TUSC3: variants seen among roughly 807,000 people sequenced by gnomAD.
The protein encoded by TUSC3 is tumor suppressor candidate 3.
A neutral mutation model predicts 44.8 loss-of-function variants in TUSC3; 45 were observed. The ratio of observed to expected loss-of-function variants is 1.00; its 90% CI spans 0.79 to 1.29. The LOEUF is 1.29. Ranked by LOEUF, TUSC3 falls within the 50% of genes most tolerant of loss-of-function variation. The probability of loss-of-function intolerance (pLI) is 0.00; values close to 1 mark genes in which losing one functional copy is unlikely to be tolerated. For synonymous variants in TUSC3, 212 were observed against 152.9 expected (o/e 1.39, Z -2.85); for missense variants, 519 against 437.9 (o/e 1.19, Z -1.65).
At chr8:15,787,406 G>T in the TUSC3 span, among the ~76,000 whole-genome samples, 3 of 152,132 alleles carry the variant, frequency 2.0e-5, no homozygotes, top group East Asian at 3.9e-4. Context: ...GATTTGGTCT[G>T]CATGAAATCC....
chr8:15,639,618 A>C (rs1806267129), intron 2 of TUSC3, among the ~76,000 whole-genome samples: 1 of 152,218 alleles, frequency 6.6e-6, no homozygotes, highest in Non-Finnish European at 1.5e-5. Context: ...ACTATTATAT[A>C]AAGTCATAAA....
intron 1 of TUSC3, among the ~76,000 whole-genome samples, chr8:15,609,414 A>G (rs1585149461): frequency 6.6e-6 from 1 of 152,204 alleles, no homozygotes; most frequent in Non-Finnish European, 1.5e-5. Context: ...GGCTGTGTAC[A>G]GCTGGAAGTA....
chr8:15,821,272 CT>C, the TUSC3 span, among the ~76,000 whole-genome samples: 7 of 151,192 alleles, frequency 4.6e-5, no homozygotes, highest in Admixed American at 4.6e-4. Context: ...CATTGTTTCC[CT>C]GTTTGTAATA....
chr8:15,436,275 CA>C (rs1799944056), intron 1 of TUSC3, among the ~76,000 whole-genome samples: 1 of 152,114 alleles, frequency 6.6e-6, no homozygotes, highest in Non-Finnish European at 1.5e-5. Context: ...TGACGGTTAT[CA>C]AAAGGAAAGG....
At chr8:15,730,568 C>G in intron 6 of TUSC3, 98 bp from the exon 7 acceptor site, 1 of 1,169,378 alleles carries the variant, frequency 8.6e-7, no homozygotes, top group Non-Finnish European at 1.2e-6. Context: ...TAGTAAAAAT[C>G]GAATTAGATT....
chr8:15,820,964 G>T, the TUSC3 span, among the ~76,000 whole-genome samples: 3 of 152,108 alleles, frequency 2.0e-5, no homozygotes, highest in African/African-American at 7.2e-5. Context: ...GGTGTGCCCA[G>T]CTATTTGCCA....
intron 2 of TUSC3, among the ~76,000 whole-genome samples, chr8:15,627,640 C>T (rs1355508319): frequency 6.6e-6 from 1 of 152,230 alleles, no homozygotes; most frequent in Non-Finnish European, 1.5e-5. Flanking sequence ...CCTGTGGTTT[C>T]TGGTGTCTCC....
chr8:15,836,458 C>G, the TUSC3 span, among the ~76,000 whole-genome samples: 3 of 137,584 alleles, frequency 2.2e-5, no homozygotes. Context: ...GCCTGGGCAA[C>G]AGAGTGAGAC....
chr8:15,475,451 C>G (rs1199049963), intron 1 of TUSC3, among the ~76,000 whole-genome samples: 1 of 152,038 alleles, frequency 6.6e-6, no homozygotes, highest in Non-Finnish European at 1.5e-5. Context: ...ATTATTCTTC[C>G]CATCTTTCAG....
At chr8:15,783,344 G>A in the TUSC3 span, among the ~76,000 whole-genome samples, 1 of 152,096 alleles carries the variant, frequency 6.6e-6, no homozygotes, top group Non-Finnish European at 1.5e-5. Context: ...AAATTCCAGT[G>A]TCATTTTTCA....
intron 6 of TUSC3, among the ~76,000 whole-genome samples, chr8:15,681,711 C>A (rs1808437539): frequency 6.6e-6 from 1 of 151,570 alleles, no homozygotes; most frequent in Non-Finnish European, 1.5e-5. Flanking sequence ...TTGTCTGCTA[C>A]CTTTTGGGCT....
In TUSC3 at chr8:15,433,863, AT is replaced by A. The variant is rs1317663747; in HGVS notation, n.91+16560del. On this transcript the variant is annotated intron_variant and non_coding_transcript_variant, in intron 1 of 5. Transcript: ENST00000503191. ...GGATTTTTTCCAGTTGGGGGTCATT[AT>A]TACAGAAATCAAGCTATAAATATTT... Among the ~76,000 whole-genome samples, 20 of 152,310 alleles carry A rather than the reference AT, an allele frequency of 1.3e-4. 1 individual carries two copies. Among genetic ancestry groups the A allele is most frequent in the African/African-American group, 4.6e-4 (19 of 41,562 alleles).
At chr8:15,740,128 C>T (rs144800678) in intron 7 of TUSC3, among the ~76,000 whole-genome samples, 2 of 152,158 alleles carry the variant, frequency 1.3e-5, no homozygotes, top group Non-Finnish European at 2.9e-5. Flanking sequence ...GAGGAGGCTT[C>T]TCTGACAAGA....
intron 6 of TUSC3, among the ~76,000 whole-genome samples, chr8:15,703,724 G>T (rs1809499087): frequency 6.6e-6 from 1 of 152,062 alleles, no homozygotes; most frequent in Non-Finnish European, 1.5e-5. Flanking sequence ...CTTAAATCAT[G>T]GAAACTAATA....
At position 15,540,409 on chromosome 8, in the gene TUSC3, G is replaced by T. The variant is rs774046443; in HGVS notation, c.-22G>T. The T allele has an allele frequency of 7.1e-6, 11 of 1,557,132 alleles. No homozygotes were observed. Among genetic ancestry groups the T allele is most frequent in the East Asian group, 2.4e-5 (1 of 40,858 alleles). ...TGGGCGCGCACGGCTACCGCGCGTGGAGGAGACACTGCCCTGCCGCGATGG... is the reference window on the plus strand; with the variant it reads ...TGGGCGCGCACGGCTACCGCGCGTGTAGGAGACACTGCCCTGCCGCGATGG... On this transcript the variant is annotated 5_prime_UTR_variant, in exon 1 of 11. Coordinates refer to ENST00000503731, the MANE Select transcript of TUSC3 (RefSeq NM_006765.4).
chr8:15,486,250 T>G (rs1800730920), intron 2 of TUSC3, among the ~76,000 whole-genome samples: 1 of 152,206 alleles, frequency 6.6e-6, no homozygotes, highest in Non-Finnish European at 1.5e-5. Flanking sequence ...AGTCTGTACT[T>G]TAGGCAGTTA....
chr8:15,589,665 A>G (rs548159863), intron 1 of TUSC3, among the ~76,000 whole-genome samples: 25 of 152,234 alleles, frequency 1.6e-4, no homozygotes, highest in African/African-American at 6.0e-4. Context: ...TAAAGTTTTT[A>G]AAACATCTTT....
At chr8:15,757,525 C>T (rs1437572607) in intron 9 of TUSC3, among the ~76,000 whole-genome samples, 2 of 152,122 alleles carry the variant, frequency 1.3e-5, no homozygotes, top group East Asian at 1.9e-4. Context: ...GATCAGCCCA[C>T]AGTACACATC....
chr8:15,419,180 G>C (rs1016126379), intron 1 of TUSC3, among the ~76,000 whole-genome samples: 3 of 152,126 alleles, frequency 2.0e-5, no homozygotes, highest in Non-Finnish European at 2.9e-5. Flanking sequence ...ATGTAACTGT[G>C]AGAAGGGAGA....
Sources: allele counts gnomAD v4.1 joint callset (sites outside exome capture counted in the v4.1 genomes callset), GRCh38; gene constraint gnomAD v4.1.1; transcripts MANE v1.5; gene names NCBI Gene and HGNC (gene_info 2026-07-23, HGNC 2026-07-21).